ADAM22: variants seen among roughly 807,000 people sequenced by gnomAD.
The protein encoded by ADAM22 is disintegrin and metalloproteinase domain-containing protein 22.
In ADAM22, 65 loss-of-function variants were observed where a neutral mutation model predicts 144.6. The observed-to-expected ratio is 0.45, with a 90% CI of 0.37 to 0.55. ADAM22 has a LOEUF of 0.55. Among genes scored for constraint, ADAM22 ranks in the 20% least tolerant of loss-of-function variants. ADAM22 has a pLI of 0.00. For synonymous variants in ADAM22, 391 were observed against 412.6 expected, an observed-to-expected ratio of 0.95 and a Z score of 0.63; for missense variants, 974 against 1,184.9, an observed-to-expected ratio of 0.82 and a Z score of 2.61.
At chr7:88,072,036 A>T (rs1812975713) in intron 3 of ADAM22, among the ~76,000 whole-genome samples, 1 of 152,304 alleles carries the variant, frequency 6.6e-6, no homozygotes, top group South Asian at 2.1e-4. Context: ...TAACTTGATG[A>T]TAGTAAAGAT....
At chr7:88,133,319 C>T (rs994568238) in intron 12 of ADAM22, among the ~76,000 whole-genome samples, 2 of 151,130 alleles carry the variant, frequency 1.3e-5, no homozygotes, top group African/African-American at 4.9e-5. Context: ...GCCCAGATTG[C>T]GCCACTGCAC....
At chr7:88,189,762 G>A (rs909250067) in intron 30 of ADAM22, among the ~76,000 whole-genome samples, 1 of 152,060 alleles carries the variant, frequency 6.6e-6, no homozygotes, top group South Asian at 2.1e-4. Context: ...TGGCCAACAT[G>A]GTGAAACCCC....
In ADAM22 at chr7:88,085,284, GGCCATATGTATCCTAAGGAT is replaced by G. The variant is rs553798567; in HGVS notation, c.390+9595_390+9614del. On this transcript the variant is annotated intron_variant, in intron 4 of 31. Transcript: ENST00000413139. ...TTCTTGTGTCAGTTTGCACAAGCAT[GGCCATATGTATCCTAAGGAT>G]GCAAATTTAAAATTAAAGTGTTATT... Among the ~76,000 whole-genome samples the G allele has an allele frequency of 2.9e-3, 446 of 152,226 alleles. 3 individuals carry two copies. Among genetic ancestry groups the G allele is most frequent in the African/African-American group, 0.01 (422 of 41,534 alleles).
chr7:88,111,759 A>G (rs924505503), intron 5 of ADAM22, among the ~76,000 whole-genome samples: 1 of 152,202 alleles, frequency 6.6e-6, no homozygotes, highest in African/African-American at 2.4e-5. Flanking sequence ...TAAGTAAAAC[A>G]AAAATATTTC....
chr7:87,978,133 A>T (rs1484155435), intron 2 of ADAM22, among the ~76,000 whole-genome samples: 2 of 152,290 alleles, frequency 1.3e-5, no homozygotes, highest in East Asian at 3.9e-4. Flanking sequence ...GTCCTCTTTG[A>T]TTGGGTGGTA....
intron 18 of ADAM22, among the ~76,000 whole-genome samples, chr7:88,150,286 G>C (rs1837946776): frequency 1.3e-5 from 2 of 152,162 alleles, no homozygotes; most frequent in African/African-American, 4.8e-5. Context: ...ATCTCTGTTG[G>C]CCAGTTTCCT....
chr7:87,938,643 T>A (rs1051500358), intron 2 of ADAM22, among the ~76,000 whole-genome samples: 5 of 151,852 alleles, frequency 3.3e-5, no homozygotes, highest in Non-Finnish European at 5.9e-5. Context: ...TATTTATTTA[T>A]TTTATTTATT....
intron 3 of ADAM22, among the ~76,000 whole-genome samples, chr7:88,015,402 A>G (rs185218804): frequency 2.6e-5 from 4 of 152,330 alleles, no homozygotes; most frequent in Admixed American, 1.3e-4. Context: ...GTCTCTGCTC[A>G]TGTAACCAGG....
intron 4 of ADAM22, among the ~76,000 whole-genome samples, chr7:88,096,250 A>G (rs1462833598): frequency 6.6e-6 from 1 of 151,560 alleles, no homozygotes; most frequent in African/African-American, 2.4e-5. Context: ...TTTTTCCCCC[A>G]AAGAACCAGC....
chr7:88,114,654 G>T lies in ADAM22; in HGVS notation c.537+7G>T. ...AGAAAATGACACTACTCAAGTAAGT[G>T]CTCCTTCTGTTTGTTGTGGCAAATG... On this transcript the variant is annotated splice_region_variant and intron_variant, in intron 6 of 31. Coordinates refer to ENST00000413139, the MANE Select transcript of ADAM22 (RefSeq NM_001324418.2). The T allele has an allele frequency of 3.7e-6, 6 of 1,613,328 alleles. No individual in the cohort carries two copies. Among genetic ancestry groups the T allele is most frequent in the Non-Finnish European group, 5.1e-6 (6 of 1,179,550 alleles).
chr7:87,955,243 T>C (rs1425740242), intron 2 of ADAM22, among the ~76,000 whole-genome samples: 1 of 152,298 alleles, frequency 6.6e-6, no homozygotes, highest in East Asian at 1.9e-4. Flanking sequence ...TTCTGCTCTG[T>C]TTTTTCCCCA....
intron 3 of ADAM22, among the ~76,000 whole-genome samples, chr7:88,007,897 G>A (rs1432108236): frequency 2.6e-5 from 4 of 152,036 alleles, no homozygotes; most frequent in African/African-American, 7.2e-5. Context: ...AAATTGACAA[G>A]TGGGATCTAA....
intron 3 of ADAM22, among the ~76,000 whole-genome samples, chr7:88,049,255 A>G (rs1805525029): frequency 6.6e-6 from 1 of 152,242 alleles, no homozygotes; most frequent in South Asian, 2.1e-4. Flanking sequence ...ATGGGGAGTT[A>G]GAATATTTCT....
intron 3 of ADAM22, among the ~76,000 whole-genome samples, chr7:88,052,854 T>TC (rs1806890063): frequency 6.6e-6 from 1 of 152,244 alleles, no homozygotes; most frequent in South Asian, 2.1e-4. Flanking sequence ...ACACTGTCTC[T>TC]CTTCAAATAC....
rs578126792 is a variant in ADAM22, at chr7:87,976,499, C to T, written c.247-1837C>T. Among the ~76,000 whole-genome samples the T allele has an allele frequency of 5.3e-5, 8 of 152,272 alleles. No homozygotes were observed. The East Asian group carries it at 1.5e-3, about 29-fold the overall frequency. ...CAGGAGAAACCAAATCTACCAACAC[C>T]TTAACCTTGGACTTCCAGCCTCCAG... is the stretch of plus-strand genomic sequence containing the variant. On this transcript the variant is annotated intron_variant, in intron 2 of 31. Transcript: ENST00000413139.
At chr7:87,947,437 G>A (rs921685322) in intron 2 of ADAM22, among the ~76,000 whole-genome samples, 2 of 152,024 alleles carry the variant, frequency 1.3e-5, no homozygotes, top group African/African-American at 4.8e-5. Context: ...AGCCATTCTG[G>A]CTAGGTAAGT....
At chr7:87,954,244 T>A (rs994606923) in intron 2 of ADAM22, among the ~76,000 whole-genome samples, 3 of 152,198 alleles carry the variant, frequency 2.0e-5, no homozygotes, top group Admixed American at 6.5e-5. Context: ...GTCTCGATGG[T>A]CTTTACATTT....
chr7:88,041,568 C>T, intron 3 of ADAM22, among the ~76,000 whole-genome samples: 1 of 152,006 alleles, frequency 6.6e-6, no homozygotes, highest in East Asian at 1.9e-4. Context: ...CACAACTCAA[C>T]TATATTTGAA....
intron 26 of ADAM22, among the ~76,000 whole-genome samples, chr7:88,176,658 T>C (rs1420054562): frequency 6.6e-6 from 1 of 152,198 alleles, no homozygotes; most frequent in Non-Finnish European, 1.5e-5. Flanking sequence ...AATGTTTAAA[T>C]TTAAATGTTA....
Sources: allele counts gnomAD v4.1 joint callset (sites outside exome capture counted in the v4.1 genomes callset), GRCh38; gene constraint gnomAD v4.1.1; transcripts MANE v1.5; gene names NCBI Gene and HGNC (gene_info 2026-07-23, HGNC 2026-07-21).